CNTNAP2: variants seen among roughly 807,000 people sequenced by gnomAD.
The protein encoded by CNTNAP2 is contactin-associated protein-like 2.
In CNTNAP2, 98 loss-of-function variants were observed where a neutral mutation model predicts 155.2. That is an observed-to-expected ratio of 0.63 (90% confidence interval 0.54 to 0.75). The LOEUF (loss-of-function observed/expected upper bound fraction) is 0.75. CNTNAP2 is among the 30% of genes least tolerant of loss of function. CNTNAP2 has a pLI of 0.00. For synonymous variants in CNTNAP2, 651 were observed against 631.2 expected (o/e 1.03, Z -0.47); for missense variants, 1,727 against 1,688.1 (o/e 1.02, Z -0.40).
chr7:147,587,508 A>T (rs1405462451), intron 12 of CNTNAP2, among the ~76,000 whole-genome samples: 1 of 152,144 alleles, frequency 6.6e-6, no homozygotes, highest in Non-Finnish European at 1.5e-5. Context: ...TTTGAACTTG[A>T]TCTAGTTTGG....
chr7:147,478,572 G>C (rs907153595), intron 10 of CNTNAP2, among the ~76,000 whole-genome samples: 2 of 152,156 alleles, frequency 1.3e-5, no homozygotes, highest in Non-Finnish European at 2.9e-5. Context: ...CCAAAGCTCA[G>C]ATTACTTAGA....
intron 1 of CNTNAP2, among the ~76,000 whole-genome samples, chr7:146,753,721 T>C (rs1243013993): frequency 6.6e-6 from 1 of 152,070 alleles, no homozygotes; most frequent in Non-Finnish European, 1.5e-5. Flanking sequence ...CCTGTGTTTA[T>C]CATCAGAGGT....
chr7:147,884,637 G>A (rs944013447), intron 13 of CNTNAP2, among the ~76,000 whole-genome samples: 1 of 152,118 alleles, frequency 6.6e-6, no homozygotes, highest in Non-Finnish European at 1.5e-5. Context: ...CTTTCCTGCT[G>A]TTGTCAGGAA....
At chr7:146,797,957 G>C (rs1349737819) in intron 2 of CNTNAP2, among the ~76,000 whole-genome samples, 2 of 152,064 alleles carry the variant, frequency 1.3e-5, no homozygotes, top group East Asian at 1.9e-4. Context: ...TTGCCACACA[G>C]AAGCTATTCA....
At chr7:147,811,199 A>G (rs976884961) in intron 13 of CNTNAP2, among the ~76,000 whole-genome samples, 2 of 152,124 alleles carry the variant, frequency 1.3e-5, no homozygotes, top group Non-Finnish European at 2.9e-5. Context: ...GGTTCAAGCA[A>G]TTCTCCTGCC....
intron 10 of CNTNAP2, among the ~76,000 whole-genome samples, chr7:147,417,083 TG>T (rs1354985838): frequency 7.7e-5 from 8 of 103,860 alleles, no homozygotes. Flanking sequence ...AGCAAGACTC[TG>T]GTCTCAAAAA....
intron 1 of CNTNAP2, among the ~76,000 whole-genome samples, chr7:146,347,133 C>A: frequency 1.9e-5 from 2 of 103,680 alleles, no homozygotes; most frequent in South Asian, 3.3e-4. Context: ...GGAATCCATA[C>A]TCTGTAAAAA....
chr7:146,804,912 G>A (rs1465184986), intron 2 of CNTNAP2, among the ~76,000 whole-genome samples: 1 of 152,140 alleles, frequency 6.6e-6, no homozygotes, highest in Non-Finnish European at 1.5e-5. Context: ...AATACTGCAA[G>A]TCCTCATTGT....
chr7:146,551,583 T>C (rs1234397551), intron 1 of CNTNAP2, among the ~76,000 whole-genome samples: 1 of 151,966 alleles, frequency 6.6e-6, no homozygotes, highest in Non-Finnish European at 1.5e-5. Context: ...ATTGTGAACG[T>C]ACCCTAAAAC....
At position 147,133,833 on chromosome 7, in the gene CNTNAP2, C is replaced by A. The variant is rs552082038; in HGVS notation, c.1348+1324C>A. Among the ~76,000 whole-genome samples, 4 of 152,108 alleles carry A rather than the reference C, an allele frequency of 2.6e-5. No individual in the cohort carries two copies. In the East Asian group the frequency reaches 7.7e-4, roughly 29 times the overall value. On this transcript the variant is annotated intron_variant, in intron 8 of 23. Transcript: ENST00000361727. ...TGAAATCAAAGGTATTGGGAAATAC[C>A]TAGTTATTCACTTTCTCCATTTCTG...
chr7:147,341,895 A>T (rs773144706), intron 9 of CNTNAP2, among the ~76,000 whole-genome samples: 1 of 152,212 alleles, frequency 6.6e-6, no homozygotes, highest in Non-Finnish European at 1.5e-5. Context: ...TACATTAAGA[A>T]CTGTCTTAAT....
At chr7:146,317,812 T>C (rs1800933898) in intron 1 of CNTNAP2, among the ~76,000 whole-genome samples, 1 of 152,200 alleles carries the variant, frequency 6.6e-6, no homozygotes, top group Admixed American at 6.5e-5. Context: ...ATCAAAGCAA[T>C]GTAAAGCTTG....
At chr7:147,257,261 A>C (rs1357917830) in intron 8 of CNTNAP2, among the ~76,000 whole-genome samples, 1 of 152,198 alleles carries the variant, frequency 6.6e-6, no homozygotes, top group Non-Finnish European at 1.5e-5. Flanking sequence ...GAGGTTTAGA[A>C]GGCAATTATT....
chr7:146,449,970 A>T (rs1310123443), intron 1 of CNTNAP2, among the ~76,000 whole-genome samples: 1 of 152,182 alleles, frequency 6.6e-6, no homozygotes, highest in African/African-American at 2.4e-5. Context: ...CCTAGTTATC[A>T]GTCCACTATT....
chr7:147,233,421 A>G (rs1376406166), intron 8 of CNTNAP2, among the ~76,000 whole-genome samples: 1 of 152,188 alleles, frequency 6.6e-6, no homozygotes, highest in Non-Finnish European at 1.5e-5. Context: ...TAATTCCACA[A>G]TTTAACAAAT....
At chr7:146,792,985 A>G (rs1388007424) in intron 2 of CNTNAP2, among the ~76,000 whole-genome samples, 2 of 152,148 alleles carry the variant, frequency 1.3e-5, no homozygotes, top group Non-Finnish European at 2.9e-5. Context: ...ACCTGCATGG[A>G]AAAAAACTAA....
intron 15 of CNTNAP2, among the ~76,000 whole-genome samples, chr7:148,018,749 C>T (rs1376279369): frequency 1.3e-5 from 2 of 152,226 alleles, no homozygotes; most frequent in African/African-American, 4.8e-5. Context: ...GAGTCCCATG[C>T]TCTCATTTTT....
At chr7:146,164,910 G>A (rs975260199) in intron 1 of CNTNAP2, among the ~76,000 whole-genome samples, 1 of 152,170 alleles carries the variant, frequency 6.6e-6, no homozygotes, top group African/African-American at 2.4e-5. Context: ...GTTATTCGGA[G>A]TTTGAAAAGA....
chr7:147,814,864 G>A (rs1276155123), intron 13 of CNTNAP2, among the ~76,000 whole-genome samples: 1 of 151,944 alleles, frequency 6.6e-6, no homozygotes, highest in Non-Finnish European at 1.5e-5. Flanking sequence ...AACAATTATT[G>A]GGTTCCTGGG....
Sources: allele counts gnomAD v4.1 joint callset (sites outside exome capture counted in the v4.1 genomes callset), GRCh38; gene constraint gnomAD v4.1.1; transcripts MANE v1.5; gene names NCBI Gene and HGNC (gene_info 2026-07-23, HGNC 2026-07-21).